The following CCDC148 variants were observed in gnomAD, a reference collection of about 807,000 sequenced individuals.
CCDC148 encodes the protein coiled-coil domain-containing protein 148.
CCDC148 carries 89 observed loss-of-function variants against 85.7 expected under a neutral mutation model. The observed-to-expected ratio is 1.04, with a 90% CI of 0.87 to 1.24. The LOEUF (loss-of-function observed/expected upper bound fraction) is 1.24, where lower values mean the gene tolerates loss of function less well. Ranked by LOEUF, CCDC148 falls within the 50% of genes most tolerant of loss-of-function variation. The pLI, the probability that CCDC148 is intolerant of heterozygous loss-of-function variation, is 0.00. For synonymous variants in CCDC148, 230 were observed against 213.9 expected (o/e 1.08, Z -0.66); for missense variants, 692 against 671.7 (o/e 1.03, Z -0.33).
chr2:158,209,595 A>G (rs1163554184), intron 11 of CCDC148, among the ~76,000 whole-genome samples: 1 of 152,226 alleles, frequency 6.6e-6, no homozygotes, highest in East Asian at 1.9e-4. Flanking sequence ...AGGGATGCCC[A>G]TCAGACTAAC....
chr2:158,432,524 A>T (rs1687402106), intron 1 of CCDC148, among the ~76,000 whole-genome samples: 1 of 152,194 alleles, frequency 6.6e-6, no homozygotes. Context: ...AAATGACACA[A>T]ATAGCCAAAA....
At chr2:158,320,505 A>G (rs1200564095) in intron 7 of CCDC148, among the ~76,000 whole-genome samples, 2 of 152,212 alleles carry the variant, frequency 1.3e-5, no homozygotes, top group Non-Finnish European at 2.9e-5. Context: ...GTCATGAACA[A>G]TTGGTTTGTT....
At position 158,338,804 on chromosome 2, in the gene CCDC148, A is replaced by T; in HGVS notation, c.686T>A (p.Leu229His). Reference sequence around the variant, plus strand: ...CTGTGTAAACTTATAGAACTCACTGAGAATTGAAGATTTCAAATCAGGGTA... The same window carrying T: ...CTGTGTAAACTTATAGAACTCACTGTGAATTGAAGATTTCAAATCAGGGTA... ...CPYPDLKSSI[L>H]SEFYKFTQKY... Residue 229 changes from leucine to histidine, a missense_variant, in exon 7 of 14, where the codon CTC becomes CAC. By Grantham distance (99) the Leu-to-His change is moderately conservative. Transcript: ENST00000283233. The T allele has an allele frequency of 4.3e-6, 7 of 1,611,792 alleles. No homozygotes were observed. Among genetic ancestry groups the T allele is most frequent in the Non-Finnish European group, 5.9e-6 (7 of 1,179,186 alleles).
Position 158,207,754 on chromosome 2 carries a change from A to T in CCDC148, c.1370+12841T>A, listed in dbSNP as rs1321314991. 2.0e-5 allele frequency: 3 copies of T among 152,204 alleles called. No individual in the cohort carries two copies. In the South Asian group the frequency reaches 6.2e-4, roughly 32 times the overall value. The allele number at this position is 152,204 out of a possible 1,614,324, so 9.4% of individuals were successfully genotyped here. ...GAATTGTATGCCAGGGATAAAAGTCAACCTATGCAAGCAAGTCCTTCAGAA... is the reference window on the plus strand; with the variant it reads ...GAATTGTATGCCAGGGATAAAAGTCTACCTATGCAAGCAAGTCCTTCAGAA... On this transcript the variant is annotated intron_variant, in intron 11 of 13. Transcript: ENST00000283233.
At chr2:158,355,816 T>G (rs1191659994) in intron 2 of CCDC148, among the ~76,000 whole-genome samples, 1 of 132,682 alleles carries the variant, frequency 7.5e-6, no homozygotes, top group Non-Finnish European at 1.5e-5. Flanking sequence ...ATCACACTAC[T>G]TGACTTCAAA....
intron 11 of CCDC148, among the ~76,000 whole-genome samples, chr2:158,185,400 G>A (rs551655428): frequency 1.2e-4 from 19 of 152,288 alleles, no homozygotes; most frequent in African/African-American, 4.1e-4. Context: ...GAAATAACTC[G>A]AAGGCGTCTC....
chr2:158,281,305 C>T (rs1054690699), intron 9 of CCDC148, among the ~76,000 whole-genome samples: 19 of 152,076 alleles, frequency 1.2e-4, no homozygotes, highest in Middle Eastern at 3.4e-3. Context: ...AATAGAGACA[C>T]AAAAAACCCT....
chr2:158,228,925 G>A (rs187880637), intron 10 of CCDC148, among the ~76,000 whole-genome samples: 14 of 149,334 alleles, frequency 9.4e-5, no homozygotes, highest in Admixed American at 2.7e-4. Flanking sequence ...TAACCTGCAC[G>A]TTGTGCACAT....
intron 9 of CCDC148, among the ~76,000 whole-genome samples, chr2:158,257,199 C>A (rs1398989862): frequency 1.3e-5 from 2 of 151,572 alleles, no homozygotes; most frequent in Non-Finnish European, 3.0e-5. Flanking sequence ...TTCATCTGTG[C>A]TTATCTGATG....
At chr2:158,363,276 A>G (rs1415586429) in intron 1 of CCDC148, among the ~76,000 whole-genome samples, 1 of 152,152 alleles carries the variant, frequency 6.6e-6, no homozygotes, top group African/African-American at 2.4e-5. Flanking sequence ...ACTATTCCAA[A>G]CAACAGAAAA....
chr2:158,175,270 G>A (rs1684521678), intron 13 of CCDC148, among the ~76,000 whole-genome samples: 1 of 151,998 alleles, frequency 6.6e-6, no homozygotes, highest in South Asian at 2.1e-4. Context: ...CAGCAGCTAG[G>A]ATCTAGAGAC....
chr2:158,278,138 C>A (rs371394134), intron 9 of CCDC148, among the ~76,000 whole-genome samples: 1 of 151,826 alleles, frequency 6.6e-6, no homozygotes, highest in African/African-American at 2.4e-5. Flanking sequence ...AAAATAAAAC[C>A]GGAGGAGCCA....
intron 1 of CCDC148, among the ~76,000 whole-genome samples, chr2:158,358,941 A>C (rs1372162874): frequency 2.6e-5 from 4 of 152,162 alleles, no homozygotes; most frequent in African/African-American, 9.7e-5. Context: ...ATTAAGTATC[A>C]CATCATTATA....
At chr2:158,266,109 GAA>G (rs1689440715) in intron 9 of CCDC148, among the ~76,000 whole-genome samples, 1 of 152,098 alleles carries the variant, frequency 6.6e-6, no homozygotes, top group South Asian at 2.1e-4. Flanking sequence ...CTTTTATAGT[GAA>G]AAGTCTGATC....
chr2:158,208,755 G>A (rs983037488), intron 11 of CCDC148, among the ~76,000 whole-genome samples: 3 of 152,008 alleles, frequency 2.0e-5, no homozygotes, highest in Non-Finnish European at 4.4e-5. Flanking sequence ...TGGGTCTGTG[G>A]CCTAACTGAT....
chr2:158,422,605 T>C (rs1409209426), intron 1 of CCDC148, among the ~76,000 whole-genome samples: 1 of 152,150 alleles, frequency 6.6e-6, no homozygotes, highest in African/African-American at 2.4e-5. Flanking sequence ...GAGATATTTA[T>C]GACAAACCCA....
chr2:158,343,342 T>C (rs1246124488), intron 3 of CCDC148, among the ~76,000 whole-genome samples: 5 of 152,178 alleles, frequency 3.3e-5, no homozygotes, highest in African/African-American at 1.2e-4. Context: ...ACAGACTAGG[T>C]TATTTATGAT....
chr2:158,440,581 A>T (rs1367053710), intron 1 of CCDC148, among the ~76,000 whole-genome samples: 2 of 152,228 alleles, frequency 1.3e-5, no homozygotes, highest in East Asian at 3.8e-4. Flanking sequence ...TGTACCTATG[A>T]TAAAGTTTAA....
chr2:158,359,494 T>C (rs756789124), intron 1 of CCDC148, among the ~76,000 whole-genome samples: 16 of 152,056 alleles, frequency 1.1e-4, no homozygotes, highest in South Asian at 2.1e-4. Context: ...GCTCATCTCA[T>C]TGGGACTGGT....
Sources: allele counts gnomAD v4.1 joint callset (sites outside exome capture counted in the v4.1 genomes callset), GRCh38; gene constraint gnomAD v4.1.1; transcripts MANE v1.5; gene names NCBI Gene and HGNC (gene_info 2026-07-23, HGNC 2026-07-21).